Variants in TBX22 observed in about 807,000 individuals in gnomAD.
TBX22 encodes T-box transcription factor 22.
In TBX22, 8 loss-of-function variants were observed where a neutral mutation model predicts 30.1. The observed-to-expected ratio is 0.27, with a 90% CI of 0.16 to 0.48. The LOEUF is 0.48. Among genes scored for constraint, TBX22 ranks in the 20% least tolerant of loss-of-function variants. TBX22 has a pLI of 0.99. For missense variants in TBX22, 463 were observed against 400.5 expected, an observed-to-expected ratio of 1.16 and a Z score of -1.33; for synonymous variants, 173 against 149.1, an observed-to-expected ratio of 1.16 and a Z score of -1.17.
At chrX:80,024,260 T>C in intron 4 of TBX22, 96 bp downstream of exon 4, 4 of 618,589 alleles carry the variant, frequency 6.5e-6, no homozygotes, top group East Asian at 4.8e-5. Flanking sequence ...TTGAAAACTC[T>C]AGCATGGGGG....
At chrX:80,027,706 A>G (rs1924048533) in intron 7 of TBX22, among the ~76,000 whole-genome samples, 1 of 111,805 alleles carries the variant, frequency 8.9e-6, no homozygotes, top group Non-Finnish European at 1.9e-5. Flanking sequence ...AAGAAAACTG[A>G]CTCAGAGACT....
chrX:80,030,430 T>C, intron 8 of TBX22, 68 bp from the exon 9 acceptor site: 9 of 1,148,982 alleles, frequency 7.8e-6, no homozygotes, highest in Non-Finnish European at 1.1e-5. Context: ...GTGAAGGATA[T>C]GATTACTAAT....
At chrX:80,019,632 G>A (rs185307489) in intron 1 of TBX22, among the ~76,000 whole-genome samples, 1,285 of 110,930 alleles carry the variant, frequency 0.012, 21 homozygotes, top group African/African-American at 0.039. Flanking sequence ...TAGTACATGC[G>A]CCTCAGGCCC....
intron 1 of TBX22, among the ~76,000 whole-genome samples, chrX:80,016,346 C>T (rs1399631114): frequency 8.9e-6 from 1 of 111,821 alleles, no homozygotes; most frequent in Non-Finnish European, 1.9e-5. Context: ...TTCTGTTGGG[C>T]TCATGGCTGC....
rs764515951 is a variant in TBX22, at chrX:80,020,316, G to GATAGATA, written c.-2-1950_-2-1949insAGATAAT. Among the ~76,000 whole-genome samples the GATAGATA allele has an allele frequency of 6.1e-4, 66 of 107,398 alleles. 2 individuals carry two copies. The East Asian group carries it at 0.017, about 28-fold the overall frequency. The allele number at this position is 107,398 out of a possible 115,157, so 93.3% of individuals were successfully genotyped here. A position where few individuals can be genotyped will look rare whatever the true frequency, so the allele number is the denominator to read the frequency against. The stretch of plus-strand genomic sequence containing the variant: ...AGATAGATAGATAGATAGATAGATA[G>GATAGATA]ATGATACATATAGATAGATAGACAG... On this transcript the variant is annotated intron_variant, in intron 1 of 8. Coordinates refer to ENST00000373296, the MANE Select transcript of TBX22 (RefSeq NM_001109878.2).
chrX:80,016,128 G>T lies in TBX22; in HGVS notation c.-3+1241G>T, dbSNP rs1923423418. On this transcript the variant is annotated intron_variant, in intron 1 of 8. Transcript: ENST00000373296. ...TGGTTGTTAGGTATTGAAAAGCCCT[G>T]ATTAAATACAGATAATTATGAGAAT... Among the ~76,000 whole-genome samples the T allele has an allele frequency of 2.7e-5, 3 of 112,136 alleles. No homozygotes were observed. In the South Asian group the frequency reaches 1.1e-3, roughly 42 times the overall value.
chrX:80,020,015 A>G (rs1923607843), intron 1 of TBX22, among the ~76,000 whole-genome samples: 1 of 111,323 alleles, frequency 9.0e-6, no homozygotes, highest in African/African-American at 3.3e-5. Flanking sequence ...ATTGCAACAA[A>G]CATCTTTTGC....
chrX:80,017,638 C>G (rs1923512310), intron 1 of TBX22, among the ~76,000 whole-genome samples: 1 of 111,523 alleles, frequency 9.0e-6, no homozygotes, highest in Non-Finnish European at 1.9e-5. Flanking sequence ...TTTGGACTTT[C>G]AAAAAGGTTT....
intron 4 of TBX22, among the ~76,000 whole-genome samples, chrX:80,024,785 A>G (rs1395588799): frequency 2.7e-5 from 3 of 111,343 alleles, no homozygotes; most frequent in Non-Finnish European, 5.7e-5. Flanking sequence ...AAGTGGCCCA[A>G]CTGTTTTAAA....
At position 80,022,954 on chromosome X, in the gene TBX22, G is replaced by C. The variant is rs1343939730; in HGVS notation, c.176-106G>C. ...TGGGGAATCTGTCGCCAAAGTTCCTGGGGAAGGGACAAGGCCCTGTCTGCT... is the reference window on the plus strand; with the variant it reads ...TGGGGAATCTGTCGCCAAAGTTCCTCGGGAAGGGACAAGGCCCTGTCTGCT... On this transcript the variant is annotated intron_variant, in intron 2 of 8. Coordinates refer to ENST00000373296, the MANE Select transcript of TBX22 (RefSeq NM_001109878.2). The C allele has an allele frequency of 3.6e-6, 3 of 824,407 alleles. No homozygotes were observed. In the African/African-American group the frequency reaches 6.2e-5, roughly 17 times the overall value. The allele number at this position is 824,407 out of a possible 1,213,427, so 67.9% of individuals were successfully genotyped here. A position where few individuals can be genotyped will look rare whatever the true frequency, so the allele number is the denominator to read the frequency against.
Position 80,025,810 on chromosome X carries a change from G to C in TBX22, c.633+33G>C, listed in dbSNP as rs199593335. The C allele has an allele frequency of 4.9e-5, 56 of 1,151,097 alleles. No homozygotes were observed. In the South Asian group the frequency reaches 1.0e-3, roughly 21 times the overall value. The allele number at this position is 1,151,097 out of a possible 1,213,427, so 94.9% of individuals were successfully genotyped here. A position where few individuals can be genotyped will look rare whatever the true frequency, so the allele number is the denominator to read the frequency against. ...AGCACAATCCTTTACCCCGAGGAGG[G>C]AGGTGCCAAGGCTCCTGCCCACTGG... On this transcript the variant is annotated intron_variant, in intron 5 of 8. Transcript: ENST00000373296.
chrX:80,018,688 G>T (rs1345776454), intron 1 of TBX22, among the ~76,000 whole-genome samples: 1 of 112,085 alleles, frequency 8.9e-6, no homozygotes, highest in African/African-American at 3.2e-5. Context: ...GTCCTAAGTG[G>T]TTTGCATGTT....
At chrX:80,020,417 C>T (rs1048147947) in intron 1 of TBX22, among the ~76,000 whole-genome samples, 4 of 111,523 alleles carry the variant, frequency 3.6e-5, no homozygotes, top group Non-Finnish European at 5.6e-5. Context: ...CGAAAAGAAA[C>T]GAATGCTCAG....
chrX:80,015,329 C>T (rs1189250151), intron 1 of TBX22, among the ~76,000 whole-genome samples: 5 of 111,973 alleles, frequency 4.5e-5, no homozygotes, highest in African/African-American at 9.7e-5. Flanking sequence ...CTGAAGCCAA[C>T]GTGGAAGTCA....
intron 8 of TBX22, among the ~76,000 whole-genome samples, chrX:80,028,958 G>GAAAAA (rs11413078): frequency 9.7e-6 from 1 of 103,184 alleles, no homozygotes; most frequent in Non-Finnish European, 2.0e-5. Context: ...GGAATTGCAT[G>GAAAAA]AAAAAAAAAA....
intron 1 of TBX22, among the ~76,000 whole-genome samples, chrX:80,017,030 G>GA (rs1172209368): frequency 3.4e-5 from 3 of 87,745 alleles, no homozygotes; most frequent in Non-Finnish European, 4.5e-5. Context: ...AAAAAAGCAT[G>GA]AAAAAAAACA....
At chrX:80,022,942 G>T in intron 2 of TBX22, 118 bp from the exon 3 acceptor site, 2 of 749,245 alleles carry the variant, frequency 2.7e-6, no homozygotes, top group Admixed American at 2.7e-5. Flanking sequence ...GGAATCTGTC[G>T]CCAAAGTTCC....
At chrX:80,015,008 G>T (rs367881240) in intron 1 of TBX22, 121 bp downstream of exon 1, 6 of 111,345 alleles carry the variant, frequency 5.4e-5, no homozygotes, top group African/African-American at 2.0e-4. Flanking sequence ...CATTAGGAAA[G>T]TCCAACTGAT....
At chrX:80,018,268 A>G (rs748565631) in intron 1 of TBX22, among the ~76,000 whole-genome samples, 1 of 112,356 alleles carries the variant, frequency 8.9e-6, no homozygotes, top group South Asian at 3.7e-4. Flanking sequence ...ATCTAATCAT[A>G]TAAGAACATA....
Sources: gnomAD v4.1 joint callset for allele counts (sites outside exome capture counted in the v4.1 genomes callset) on GRCh38, gnomAD v4.1.1 for gene constraint, MANE v1.5 for transcripts, NCBI Gene and HGNC (gene_info 2026-07-23, HGNC 2026-07-21) for gene names.